The following SYT7 variants were observed in gnomAD, a reference collection of about 807,000 sequenced individuals.
The protein encoded by SYT7 is synaptotagmin-7.
A neutral mutation model predicts 75.1 loss-of-function variants in SYT7; 29 were observed. That is an observed-to-expected ratio of 0.39 (90% CI 0.29 to 0.53). SYT7 has a LOEUF of 0.53. Ranked by LOEUF, SYT7 falls within the 20% of genes least tolerant of loss-of-function variation. The pLI is 0.77. For missense variants in SYT7, 693 were observed against 953.2 expected (o/e 0.73, Z 3.59); for synonymous variants, 376 against 401.7 (o/e 0.94, Z 0.76).
chr11:61,547,989 G>C (rs1206074684), intron 3 of SYT7, among the ~76,000 whole-genome samples: 1 of 152,200 alleles, frequency 6.6e-6, no homozygotes, highest in Non-Finnish European at 1.5e-5. Flanking sequence ...GGCCTGAGGG[G>C]CTCTCTGGCT....
Position 61,551,456 on chromosome 11 carries a change from C to T in SYT7, c.143G>A (p.Arg48His), listed in dbSNP as rs751583448. 32 of 1,613,802 alleles carry T rather than the reference C, an allele frequency of 2.0e-5. No homozygotes were observed. The highest frequency in any genetic ancestry group is 1.1e-4 in the East Asian group (5 of 44,874). Residue 48 changes from arginine (R) to histidine (H), a missense_variant, in exon 3 of 13, where the codon CGC becomes CAC. Coordinates refer to ENST00000539008, the MANE Select transcript of SYT7 (RefSeq NM_001365809.2). This position sits in a 1 kb window ranked among gnomAD's most constrained non-coding sequence, Gnocchi z 5.3. ...CHWCQRKLGK[R>H]YKNSLETVGT... ...CACCGTCTCCAAGGAATTCTTGTAG[C>T]GTTTGCCCTGTGGAGATAGCACTAG...
intron 12 of SYT7, among the ~76,000 whole-genome samples, chr11:61,519,108 C>T (rs1217284237): frequency 6.6e-6 from 1 of 152,220 alleles, no homozygotes; most frequent in Non-Finnish European, 1.5e-5. Flanking sequence ...TGGGCACTTG[C>T]TACATGTGAG....
In SYT7 at chr11:61,514,484, G is replaced by GGAC. The variant is rs2134975560; in HGVS notation, c.*4140_*4142dup. 6.6e-6 allele frequency among the ~76,000 whole-genome samples: 1 copy of GGAC among 152,366 alleles called. No homozygotes were observed. The highest frequency in any genetic ancestry group is 2.1e-4 in the South Asian group (1 of 4,828). On this transcript the variant is annotated 3_prime_UTR_variant, in exon 13 of 13. Coordinates refer to ENST00000539008, the MANE Select transcript of SYT7 (RefSeq NM_001365809.2). ...CTGGTGGGGGCAGGGGCCAGCAGGT[G>GGAC]GACACATGACAATGGGGATGTGCTC...
intron 1 of SYT7, among the ~76,000 whole-genome samples, chr11:61,578,827 C>A (rs1180641954): frequency 6.6e-6 from 1 of 152,182 alleles, no homozygotes; most frequent in Non-Finnish European, 1.5e-5. Flanking sequence ...CCAGTCACAG[C>A]TGCCCTACCA....
At chr11:61,540,734 C>T in intron 6 of SYT7, 1 of 985,488 alleles carries the variant, frequency 1.0e-6, no homozygotes, top group Non-Finnish European at 1.2e-6. Context: ...TGTGATAAGA[C>T]AGTCTGAGGT....
Position 61,524,626 on chromosome 11 carries a change from C to T in SYT7, c.1472-94G>A. ...AGGCCCTGGGAAGAGGAGGCAGGCCCTGTGCCCTCCCGCTGCCACCCCACC... is the reference window on the plus strand; with the variant it reads ...AGGCCCTGGGAAGAGGAGGCAGGCCTTGTGCCCTCCCGCTGCCACCCCACC... On this transcript the variant is annotated intron_variant, in intron 9 of 12. Transcript: ENST00000539008. This position sits in a 1 kb window ranked among gnomAD's most constrained non-coding sequence, Gnocchi z 4.1. 3.1e-6 allele frequency: 4 copies of T among 1,305,684 alleles called. No individual in the cohort carries two copies. The highest frequency in any genetic ancestry group is 4.2e-6 in the Non-Finnish European group (4 of 958,610). The allele number at this position is 1,305,684 out of a possible 1,614,324, so 80.9% of individuals were successfully genotyped here. A position where few individuals can be genotyped will look rare whatever the true frequency, so the allele number is the denominator to read the frequency against.
upstream of SYT7, among the ~76,000 whole-genome samples, chr11:61,582,353 C>G (rs1035672982): frequency 1.1e-4 from 17 of 152,146 alleles, no homozygotes. Context: ...TCCACTTTTG[C>G]TGGCTTTATA....
At chr11:61,555,992 C>T (rs1390019286) in intron 2 of SYT7, 112 bp downstream of exon 2, 10 of 965,410 alleles carry the variant, frequency 1.0e-5, no homozygotes, top group Admixed American at 2.4e-5. Context: ...GGTGAGTCAC[C>T]TGTGTGCACC....
At position 61,516,438 on chromosome 11, in the gene SYT7, C is replaced by T. The variant is rs567910157; in HGVS notation, c.*2189G>A. 1 of 152,180 alleles carries T rather than the reference C, an allele frequency of 6.6e-6. No individual in the cohort carries two copies. The highest frequency in any genetic ancestry group is 1.5e-5 in the Non-Finnish European group (1 of 68,068). 9.4% of individuals were successfully genotyped at this position (152,180 alleles called of 1,614,324 possible). ...GAGCCGTTGCCCCGCCCACTCGATACAAGTTGGTTGGATCCCCAGGGCGAA... is the reference window on the plus strand; with the variant it reads ...GAGCCGTTGCCCCGCCCACTCGATATAAGTTGGTTGGATCCCCAGGGCGAA... On this transcript the variant is annotated 3_prime_UTR_variant, in exon 13 of 13. Coordinates refer to ENST00000539008, the MANE Select transcript of SYT7 (RefSeq NM_001365809.2). The surrounding 1 kb of genome is among the most constrained non-coding windows in gnomAD (Gnocchi z 4.6).
chr11:61,533,158 G>C (rs759671491), intron 7 of SYT7, 34 bp from the exon 8 acceptor site: 33 of 1,540,586 alleles, frequency 2.1e-5, no homozygotes, highest in Non-Finnish European at 2.8e-5. Flanking sequence ...AGATTGGGCT[G>C]GGAAGTGAGC....
upstream of SYT7, among the ~76,000 whole-genome samples, chr11:61,583,693 C>A (rs1170858374): frequency 1.3e-5 from 2 of 152,248 alleles, no homozygotes; most frequent in African/African-American, 2.4e-5. Context: ...AGCCCAGTCT[C>A]ATCCTCTCCT....
In SYT7 at chr11:61,580,992, GCCCT is replaced by G; in HGVS notation, c.-176_-173del. ...GCCGGGGAGCGGGGGCCGCCCGCCA[GCCCT>G]CCCGCCCGCCCGCGGAGCACGCTGC... On this transcript the variant is annotated 5_prime_UTR_variant, in exon 1 of 13. Coordinates refer to ENST00000539008, the MANE Select transcript of SYT7 (RefSeq NM_001365809.2). The surrounding 1 kb of genome is among the most constrained non-coding windows in gnomAD (Gnocchi z 6.1). 4 of 966,116 alleles carry G rather than the reference GCCCT, an allele frequency of 4.1e-6. No individual in the cohort carries two copies. Among genetic ancestry groups the G allele is most frequent in the Non-Finnish European group, 3.7e-6 (3 of 814,756 alleles). 59.8% of individuals were successfully genotyped at this position (966,116 alleles called of 1,614,324 possible).
intron 1 of SYT7, among the ~76,000 whole-genome samples, chr11:61,571,873 G>A (rs556250286): frequency 1.2e-4 from 18 of 152,300 alleles, no homozygotes; most frequent in Admixed American, 9.8e-4. Context: ...TATGGGGTCA[G>A]ATGGGGACCC....
At position 61,516,611 on chromosome 11, in the gene SYT7, C is replaced by G. The variant is rs1370130998; in HGVS notation, c.*2016G>C. ...CTCAAGACTTCCCACCACACTCTCT[C>G]CCACGTCCACGAGGCCTCGGGGTCG... On this transcript the variant is annotated 3_prime_UTR_variant, in exon 13 of 13. Transcript: ENST00000539008. The surrounding 1 kb of genome is among the most constrained non-coding windows in gnomAD (Gnocchi z 4.6). 1 of 152,130 alleles carries G rather than the reference C, an allele frequency of 6.6e-6. No individual in the cohort carries two copies. The highest frequency in any genetic ancestry group is 1.5e-5 in the Non-Finnish European group (1 of 68,014). 9.4% of individuals were successfully genotyped at this position (152,130 alleles called of 1,614,324 possible).
rs183369453 is a variant in SYT7, at chr11:61,525,219, G to A, written c.1472-687C>T. Among the ~76,000 whole-genome samples the A allele has an allele frequency of 1.2e-4, 18 of 152,272 alleles. No homozygotes were observed. The South Asian group carries it at 1.5e-3, about 12-fold the overall frequency. On this transcript the variant is annotated intron_variant, in intron 9 of 12. Coordinates refer to ENST00000539008, the MANE Select transcript of SYT7 (RefSeq NM_001365809.2). The stretch of plus-strand genomic sequence containing the variant: ...TTCTCCTACCGTCCATTCTCAATGC[G>A]GCAGCCAGAGAGACCTTTTAAAAAT...
At chr11:61,547,041 G>A in intron 4 of SYT7, 136 bp downstream of exon 4, 1 of 1,136,814 alleles carries the variant, frequency 8.8e-7, no homozygotes, top group Non-Finnish European at 1.2e-6. Flanking sequence ...TGGGGTGGAT[G>A]GGTGGGGAAG....
intron 2 of SYT7, among the ~76,000 whole-genome samples, chr11:61,552,500 G>T (rs1485053457): frequency 6.6e-6 from 1 of 152,006 alleles, no homozygotes; most frequent in Non-Finnish European, 1.5e-5. Context: ...ACACACACGT[G>T]CGCGCACAAA....
intron 1 of SYT7, 41 bp from the exon 2 acceptor site, chr11:61,556,248 G>A (rs1173085613): frequency 6.5e-6 from 10 of 1,546,716 alleles, no homozygotes; most frequent in Non-Finnish European, 8.8e-6. Flanking sequence ...ATTGGCCAGG[G>A]CCTGCCACCC....
At position 61,569,659 on chromosome 11, in the gene SYT7, C is replaced by T. The variant is rs2063867210; in HGVS notation, c.31+11131G>A. ...GTGCCCCAGAAAACGGTCAAGATTA[C>T]AGAAGGGGCAGAGGCAGAGAGACAG... On this transcript the variant is annotated intron_variant, in intron 1 of 12. Coordinates refer to ENST00000539008, the MANE Select transcript of SYT7 (RefSeq NM_001365809.2). Among the ~76,000 whole-genome samples the T allele has an allele frequency of 2.0e-5, 3 of 151,758 alleles. No individual in the cohort carries two copies. The South Asian group carries it at 6.2e-4, about 32-fold the overall frequency.
Sources: allele counts gnomAD v4.1 joint callset (sites outside exome capture counted in the v4.1 genomes callset), GRCh38; gene constraint gnomAD v4.1.1; non-coding constraint Gnocchi (gnomAD v3.1); transcripts MANE v1.5; gene names NCBI Gene and HGNC (gene_info 2026-07-23, HGNC 2026-07-21).